CNTLN: variants seen among roughly 807,000 people sequenced by gnomAD.
CNTLN encodes centlein, centrosomal protein.
CNTLN carries 212 observed loss-of-function variants against 180.0 expected under a neutral mutation model. The observed-to-expected ratio is 1.18, with a 90% confidence interval of 1.05 to 1.32. The LOEUF (loss-of-function observed/expected upper bound fraction) is 1.32. CNTLN is among the 40% of genes most tolerant of loss of function. CNTLN has a pLI of 0.00. For synonymous variants in CNTLN, 722 were observed against 563.1 expected (o/e 1.28, Z -3.99); for missense variants, 2,095 against 1,610.9 (o/e 1.30, Z -5.14).
At chr9:17,427,729 T>C (rs944339578) in intron 18 of CNTLN, among the ~76,000 whole-genome samples, 1 of 152,196 alleles carries the variant, frequency 6.6e-6, no homozygotes, top group Non-Finnish European at 1.5e-5. Context: ...CTTGAAAATA[T>C]TATTGCCCTT....
intron 13 of CNTLN, among the ~76,000 whole-genome samples, chr9:17,371,546 C>T (rs1824318080): frequency 6.6e-6 from 1 of 152,120 alleles, no homozygotes; most frequent in Non-Finnish European, 1.5e-5. Context: ...CCACTTTCAG[C>T]ATTGGACAGA....
chr9:17,145,003 G>A (rs950255980), intron 2 of CNTLN, among the ~76,000 whole-genome samples: 2 of 150,728 alleles, frequency 1.3e-5, no homozygotes, highest in Non-Finnish European at 3.0e-5. Flanking sequence ...CACCGCGCCC[G>A]GCTAATTTTT....
chr9:17,274,577 C>G (rs1361570896), intron 6 of CNTLN, among the ~76,000 whole-genome samples: 1 of 151,836 alleles, frequency 6.6e-6, no homozygotes, highest in African/African-American at 2.4e-5. Flanking sequence ...ATTTTGCATG[C>G]ATGTGTTTAT....
intron 15 of CNTLN, among the ~76,000 whole-genome samples, chr9:17,396,349 C>G (rs769986215): frequency 6.6e-6 from 1 of 151,934 alleles, no homozygotes; most frequent in African/African-American, 2.4e-5. Flanking sequence ...GGATCAGGAC[C>G]CTTTCTTGTA....
At chr9:17,149,477 CTGT>C (rs1318016972) in intron 2 of CNTLN, among the ~76,000 whole-genome samples, 1 of 147,408 alleles carries the variant, frequency 6.8e-6, no homozygotes, top group Non-Finnish European at 1.5e-5. Flanking sequence ...TCTCCAGCAT[CTGT>C]TGTTTCCTGA....
intron 5 of CNTLN, among the ~76,000 whole-genome samples, chr9:17,270,166 C>G (rs575647225): frequency 6.6e-6 from 1 of 151,920 alleles, no homozygotes; most frequent in Non-Finnish European, 1.5e-5. Context: ...TACCTAAAAT[C>G]CCCAGGACAA....
intron 2 of CNTLN, among the ~76,000 whole-genome samples, chr9:17,202,429 C>G (rs1314784523): frequency 1.3e-5 from 2 of 151,782 alleles, no homozygotes; most frequent in Non-Finnish European, 2.9e-5. Flanking sequence ...GGGTGTTAAA[C>G]TCACTCACTA....
intron 2 of CNTLN, among the ~76,000 whole-genome samples, chr9:17,183,280 A>T (rs1157445189): frequency 2.0e-5 from 3 of 152,194 alleles, no homozygotes; most frequent in Non-Finnish European, 2.9e-5. Flanking sequence ...CATGAATGGG[A>T]CATATCCACT....
At chr9:17,175,726 T>C (rs570785815) in intron 2 of CNTLN, among the ~76,000 whole-genome samples, 1 of 146,484 alleles carries the variant, frequency 6.8e-6, no homozygotes, top group Non-Finnish European at 1.5e-5. Flanking sequence ...TGGGGGAGAA[T>C]TGTTGACTCC....
chr9:17,312,368 A>ATATATATATATATAT (rs1819232633), intron 8 of CNTLN, among the ~76,000 whole-genome samples: 2 of 9,352 alleles, frequency 2.1e-4, no homozygotes, highest in Admixed American at 1.4e-3. Context: ...TATATATTAT[A>ATATATATATATATAT]TATATATATA....
At chr9:17,523,357 C>A in the CNTLN span, among the ~76,000 whole-genome samples, 2 of 152,020 alleles carry the variant, frequency 1.3e-5, no homozygotes, top group Non-Finnish European at 2.9e-5. Context: ...TGCCTTAGCC[C>A]CCTTGAGTAG....
chr9:17,261,335 A>T (rs1368929145), intron 5 of CNTLN, among the ~76,000 whole-genome samples: 1 of 151,310 alleles, frequency 6.6e-6, no homozygotes, highest in Non-Finnish European at 1.5e-5. Context: ...GGTTTGTGTC[A>T]TCTATGATTT....
intron 2 of CNTLN, chr9:17,167,872 A>C (rs575015091): frequency 6.6e-6 from 1 of 152,302 alleles, no homozygotes; most frequent in South Asian, 2.1e-4. Flanking sequence ...CACTGGTCAG[A>C]CGGCACAGCC....
chr9:17,511,409 A>G, the CNTLN span, among the ~76,000 whole-genome samples: 1 of 152,218 alleles, frequency 6.6e-6, no homozygotes, highest in African/African-American at 2.4e-5. Flanking sequence ...TGGATCAAGA[A>G]TCTGGGTCCT....
At chr9:17,206,072 G>A (rs1178527273) in intron 2 of CNTLN, among the ~76,000 whole-genome samples, 1 of 152,196 alleles carries the variant, frequency 6.6e-6, no homozygotes, top group East Asian at 1.9e-4. Context: ...TGCAGCAGGA[G>A]CCAACTGCCG....
intron 7 of CNTLN, chr9:17,298,817 G>GCT: frequency 1.0e-6 from 1 of 986,070 alleles, no homozygotes; most frequent in Non-Finnish European, 1.2e-6. Context: ...ATTTTTCTCT[G>GCT]TTTATTTTGT....
chr9:17,352,412 ATATATTTT>A (rs1325573826), intron 12 of CNTLN, among the ~76,000 whole-genome samples: 4 of 15,812 alleles, frequency 2.5e-4, no homozygotes, highest in East Asian at 9.9e-3. Context: ...ATATATATAT[ATATATTTT>A]TTTTTTTTTT....
chr9:17,274,453 A>ATATCTATCTGTC (rs1554675078), intron 6 of CNTLN, among the ~76,000 whole-genome samples: 7 of 138,774 alleles, frequency 5.0e-5, no homozygotes, highest in Non-Finnish European at 9.5e-5. Context: ...TCATAGATCA[A>ATATCTATCTGTC]TATCTATCTA....
At chr9:17,198,534 AT>A (rs71304884) in intron 2 of CNTLN, among the ~76,000 whole-genome samples, 6,761 of 98,006 alleles carry the variant, frequency 0.069, 191 homozygotes, top group Middle Eastern at 0.2. Context: ...TACTTTCTTG[AT>A]TTTTTTTTTT....
Sources: gnomAD v4.1 joint callset for allele counts (sites outside exome capture counted in the v4.1 genomes callset) on GRCh38, gnomAD v4.1.1 for gene constraint, MANE v1.5 for transcripts, NCBI Gene and HGNC (gene_info 2026-07-23, HGNC 2026-07-21) for gene names.